Variants in SPAG9 observed in about 807,000 individuals in gnomAD.
The protein encoded by SPAG9 is C-Jun-amino-terminal kinase-interacting protein 4.
Under a neutral mutation model 166.5 loss-of-function variants are expected in SPAG9, and 35 were observed. The ratio of observed to expected loss-of-function variants is 0.21; its 90% CI spans 0.16 to 0.28. The LOEUF (loss-of-function observed/expected upper bound fraction) is 0.28, where lower values mean the gene tolerates loss of function less well. Among genes scored for constraint, SPAG9 ranks in the 10% least tolerant of loss-of-function variants. The pLI is 1.00. For synonymous variants in SPAG9, 534 were observed against 565.5 expected (o/e 0.94, Z 0.79); for missense variants, 1,235 against 1,603.3 (o/e 0.77, Z 3.92).
At chr17:51,021,014 A>G (rs2045918189) in intron 7 of SPAG9, 144 bp downstream of exon 7, 2 of 686,650 alleles carry the variant, frequency 2.9e-6, no homozygotes, top group Non-Finnish European at 5.1e-6. Flanking sequence ...ACAGATGCAG[A>G]ACCACAGATA....
At chr17:50,977,299 C>A in intron 26 of SPAG9, 78 bp from the exon 27 acceptor site, 1 of 877,420 alleles carries the variant, frequency 1.1e-6, no homozygotes, top group Non-Finnish European at 1.9e-6. Context: ...TTAGAAGTAG[C>A]AGGATTACAA....
chr17:51,007,977 C>A, intron 9 of SPAG9: 2 of 305,242 alleles, frequency 6.6e-6, no homozygotes, highest in Non-Finnish European at 1.3e-5. Context: ...CATCTGGAAT[C>A]ACAATGTTAT....
intron 16 of SPAG9, chr17:50,995,769 C>G: frequency 2.4e-6 from 1 of 412,514 alleles, no homozygotes; most frequent in Non-Finnish European, 4.3e-6. Context: ...TTAAGCGGTC[C>G]CCTCCCACCT....
intron 5 of SPAG9, among the ~76,000 whole-genome samples, chr17:51,040,272 C>CG (rs2046786548): frequency 6.7e-6 from 1 of 149,612 alleles, no homozygotes; most frequent in Non-Finnish European, 1.5e-5. Flanking sequence ...AAAGTGAGAG[C>CG]GAGCGAGTTG....
chr17:50,964,808 A>G lies in SPAG9; in HGVS notation c.*1464T>C. On this transcript the variant is annotated 3_prime_UTR_variant, in exon 30 of 30. Transcript: ENST00000262013. ...TGCTCCGTCACCCAGGCTGGAGTGC[A>G]GTGGTGCTATCAAGGCTCACTGCAA... 2.4e-6 allele frequency: 1 copy of G among 415,234 alleles called. No individual in the cohort carries two copies. Among genetic ancestry groups the G allele is most frequent in the Non-Finnish European group, 4.9e-6 (1 of 205,886 alleles). 25.7% of individuals were successfully genotyped at this position (415,234 alleles called of 1,614,324 possible). A position where few individuals can be genotyped will look rare whatever the true frequency, so the allele number is the denominator to read the frequency against.
At chr17:51,022,806 C>A (rs936917375) in intron 6 of SPAG9, among the ~76,000 whole-genome samples, 4 of 151,286 alleles carry the variant, frequency 2.6e-5, no homozygotes, top group Admixed American at 2.0e-4. Flanking sequence ...AAAAATTAGC[C>A]GGGCATGGTG....
chr17:51,051,033 T>TA (rs566199371), intron 3 of SPAG9, among the ~76,000 whole-genome samples: 37,924 of 110,110 alleles, frequency 0.34, 7,582 homozygotes, highest in African/African-American at 0.62. Flanking sequence ...AATTTAAAAA[T>TA]AAAAAAAAAA....
intron 2 of SPAG9, among the ~76,000 whole-genome samples, chr17:51,072,640 C>A (rs577870692): frequency 3.3e-5 from 5 of 151,752 alleles, no homozygotes; most frequent in African/African-American, 4.8e-5. Flanking sequence ...GCCGAGATCG[C>A]GCCACTGCAC....
intron 1 of SPAG9, among the ~76,000 whole-genome samples, chr17:51,109,498 G>A (rs2049045923): frequency 6.6e-6 from 1 of 152,130 alleles, no homozygotes; most frequent in Non-Finnish European, 1.5e-5. Flanking sequence ...GCCTTCCAAA[G>A]TGCTGGGATT....
chr17:51,014,389 T>C, intron 8 of SPAG9, 36 bp from the exon 9 acceptor site: 2 of 1,576,644 alleles, frequency 1.3e-6, no homozygotes, highest in South Asian at 2.3e-5. Context: ...AATCAACAAA[T>C]GACAAAGACT....
chr17:51,075,195 CAAAAAAAAAAA>C (rs57533555), intron 2 of SPAG9, among the ~76,000 whole-genome samples: 14 of 28,966 alleles, frequency 4.8e-4, no homozygotes, highest in Non-Finnish European at 7.7e-4. Flanking sequence ...GACTCCATCT[CAAAAAAAAAAA>C]AAAAAAAAAA....
chr17:50,994,923 T>C lies in SPAG9; in HGVS notation c.2226+134A>G, dbSNP rs1353061966. On this transcript the variant is annotated intron_variant, in intron 18 of 29. Coordinates refer to ENST00000262013, the MANE Select transcript of SPAG9 (RefSeq NM_001130528.3). ...TACCTCAATATTTTAAAATTGATTT[T>C]AAAAGGGTGCTGAGGGACAGTAAGC... is the stretch of plus-strand genomic sequence containing the variant. 3.4e-5 allele frequency: 21 copies of C among 615,998 alleles called. No individual in the cohort carries two copies. In the East Asian group the frequency reaches 5.6e-4, roughly 16 times the overall value. The allele number at this position is 615,998 out of a possible 1,614,324, so 38.2% of individuals were successfully genotyped here. A position where few individuals can be genotyped will look rare whatever the true frequency, so the allele number is the denominator to read the frequency against.
chr17:51,042,681 A>C (rs2046883760), intron 4 of SPAG9: 1 of 152,210 alleles, frequency 6.6e-6, no homozygotes. Flanking sequence ...CCACTTTTGA[A>C]ATGTGTCTTC....
chr17:51,049,720 C>T (rs1484670225), intron 3 of SPAG9, among the ~76,000 whole-genome samples: 1 of 152,016 alleles, frequency 6.6e-6, no homozygotes, highest in Non-Finnish European at 1.5e-5. Flanking sequence ...ATTCTGCCTC[C>T]CAAGTAGCTG....
At chr17:50,999,817 G>A (rs2044851863) in intron 13 of SPAG9, 100 bp from the exon 14 acceptor site, 1 of 907,060 alleles carries the variant, frequency 1.1e-6, no homozygotes, top group African/African-American at 1.7e-5. Context: ...GATACACAGA[G>A]GGGAGTCAAC....
intron 1 of SPAG9, among the ~76,000 whole-genome samples, chr17:51,089,634 AT>A (rs2048402835): frequency 1.3e-5 from 1 of 74,198 alleles, no homozygotes; most frequent in Non-Finnish European, 2.5e-5. Context: ...ATATATATAT[AT>A]ATATATATAT....
chr17:51,040,616 C>A (rs1048341272), intron 5 of SPAG9, among the ~76,000 whole-genome samples: 1 of 152,108 alleles, frequency 6.6e-6, no homozygotes, highest in Non-Finnish European at 1.5e-5. Context: ...GGGGATACAG[C>A]AGTAAATAAA....
At chr17:51,024,590 G>A (rs918510398) in intron 6 of SPAG9, among the ~76,000 whole-genome samples, 4 of 151,738 alleles carry the variant, frequency 2.6e-5, no homozygotes, top group African/African-American at 9.7e-5. Context: ...GCACACGTCT[G>A]TAATCCCAGC....
At chr17:50,978,168 T>G (rs1407828445) in intron 26 of SPAG9, among the ~76,000 whole-genome samples, 4 of 152,146 alleles carry the variant, frequency 2.6e-5, no homozygotes, top group African/African-American at 9.7e-5. Flanking sequence ...GGTAATACAT[T>G]TAAGAAAGAC....
Sources: allele counts gnomAD v4.1 joint callset (sites outside exome capture counted in the v4.1 genomes callset), GRCh38; gene constraint gnomAD v4.1.1; transcripts MANE v1.5; gene names NCBI Gene and HGNC (gene_info 2026-07-23, HGNC 2026-07-21).